The following PLXNA4 variants were observed in gnomAD, a reference collection of about 807,000 sequenced individuals.
PLXNA4 encodes the protein plexin A4, also known as plexin-A4.
In PLXNA4, 44 loss-of-function variants were observed where a neutral mutation model predicts 191.8. The observed-to-expected ratio is 0.23, with a 90% confidence interval of 0.18 to 0.29. The LOEUF (loss-of-function observed/expected upper bound fraction) is 0.29. PLXNA4 is among the 10% of genes least tolerant of loss of function. The pLI is 1.00. For synonymous variants in PLXNA4, 1,082 were observed against 1,009.5 expected (o/e 1.07, Z -1.36); for missense variants, 1,800 against 2,488.8 (o/e 0.72, Z 5.89).
At chr7:132,445,858 G>T (rs554598588) in intron 3 of PLXNA4, among the ~76,000 whole-genome samples, 1 of 152,166 alleles carries the variant, frequency 6.6e-6, no homozygotes, top group African/African-American at 2.4e-5. Context: ...AGGGATTCCA[G>T]CTCCTCACAC....
In PLXNA4 at chr7:132,181,315, G is replaced by GAACACC. The variant is rs1001777922; in HGVS notation, c.3492+60_3492+65dup. On this transcript the variant is annotated intron_variant, in intron 18 of 31. Coordinates refer to ENST00000321063, the MANE Select transcript of PLXNA4 (RefSeq NM_020911.2). ...GAAATGTGGCAGGAGTCTGTGACTT[G>GAACACC]AACACCCCCTTCCATGCAGCAGCCC... 1.9e-6 allele frequency: 3 copies of GAACACC among 1,596,066 alleles called. No homozygotes were observed. In the African/African-American group the frequency reaches 4.0e-5, roughly 21 times the overall value.
chr7:132,479,466 A>C (rs947112294), intron 3 of PLXNA4, among the ~76,000 whole-genome samples: 3 of 152,124 alleles, frequency 2.0e-5, no homozygotes, highest in African/African-American at 7.2e-5. Flanking sequence ...GAAGCCAACA[A>C]AATAGAGCTG....
chr7:132,642,627 C>T (rs889842872), intron 2 of PLXNA4, among the ~76,000 whole-genome samples: 6 of 152,108 alleles, frequency 3.9e-5, no homozygotes, highest in African/African-American at 1.4e-4. Flanking sequence ...CAGGCAGAGG[C>T]CTTCCTGGGC....
intron 1 of PLXNA4, among the ~76,000 whole-genome samples, chr7:132,562,972 C>T (rs111219859): frequency 2.6e-4 from 11 of 41,738 alleles, no homozygotes; most frequent in East Asian, 2.2e-3. Context: ...CTCCTCCTCT[C>T]CCTCCTCCTC....
intron 4 of PLXNA4, among the ~76,000 whole-genome samples, chr7:132,282,887 TA>T (rs1174529498): frequency 1.3e-5 from 2 of 152,114 alleles, no homozygotes; most frequent in African/African-American, 4.8e-5. Context: ...TTTATTTATT[TA>T]TTTTTTGAGA....
chr7:132,372,706 T>G (rs565487425), intron 3 of PLXNA4, among the ~76,000 whole-genome samples: 1 of 152,336 alleles, frequency 6.6e-6, no homozygotes, highest in Non-Finnish European at 1.5e-5. Flanking sequence ...GGTTCAATTC[T>G]CCAGCACCTA....
intron 4 of PLXNA4, among the ~76,000 whole-genome samples, chr7:132,295,040 A>G (rs558108501): frequency 2.0e-5 from 3 of 152,360 alleles, no homozygotes; most frequent in East Asian, 1.9e-4. Context: ...GCCAATGAAT[A>G]TAAGTGGTAG....
intron 3 of PLXNA4, among the ~76,000 whole-genome samples, chr7:132,325,651 G>A (rs994187290): frequency 1.3e-5 from 2 of 152,142 alleles, no homozygotes; most frequent in Admixed American, 6.5e-5. Context: ...CAAAGGAGAG[G>A]CAAGGAAGGG....
intron 3 of PLXNA4, among the ~76,000 whole-genome samples, chr7:132,455,151 G>A (rs1232593871): frequency 6.6e-6 from 1 of 152,196 alleles, no homozygotes; most frequent in Admixed American, 6.5e-5. Context: ...CACACACACT[G>A]GCAGGTATCT....
At chr7:132,176,721 A>C (rs769699751) in intron 20 of PLXNA4, among the ~76,000 whole-genome samples, 2 of 150,094 alleles carry the variant, frequency 1.3e-5, no homozygotes, top group Non-Finnish European at 3.0e-5. Context: ...AATGTATGTC[A>C]ATGAGTGTGT....
chr7:132,355,739 G>A (rs1391907933), intron 3 of PLXNA4, among the ~76,000 whole-genome samples: 2 of 152,084 alleles, frequency 1.3e-5, no homozygotes, highest in African/African-American at 2.4e-5. Context: ...GAGGGGTAGA[G>A]GGCAAGGGGG....
chr7:132,189,008 G>A (rs576355233), intron 14 of PLXNA4, among the ~76,000 whole-genome samples: 5,514 of 78,054 alleles, frequency 0.071, 420 homozygotes, highest in African/African-American at 0.14. Flanking sequence ...GAGAGAGAGA[G>A]AGAGAGAGAG....
chr7:132,232,820 G>A lies in PLXNA4; in HGVS notation c.1605-4351C>T, dbSNP rs1297461998. 3.3e-5 allele frequency among the ~76,000 whole-genome samples: 5 copies of A among 152,138 alleles called. No individual in the cohort carries two copies. The South Asian group carries it at 6.2e-4, about 19-fold the overall frequency. ...CTAGAAATTAATTCCCAAATACAGC[G>A]ATAGAAATATTAACTCCCGGTGCCG... On this transcript the variant is annotated intron_variant, in intron 5 of 31. Transcript: ENST00000321063.
chr7:132,251,173 C>T (rs1221991514), intron 4 of PLXNA4, among the ~76,000 whole-genome samples: 1 of 151,334 alleles, frequency 6.6e-6, no homozygotes, highest in African/African-American at 2.4e-5. Context: ...GCAAGTTCTT[C>T]ATCAGCTGTA....
At chr7:132,250,171 A>G (rs1327618405) in intron 4 of PLXNA4, among the ~76,000 whole-genome samples, 1 of 152,120 alleles carries the variant, frequency 6.6e-6, no homozygotes, top group Non-Finnish European at 1.5e-5. Context: ...GGTTGTTTTG[A>G]AGAATAATTG....
intron 1 of PLXNA4, among the ~76,000 whole-genome samples, chr7:132,559,997 G>A (rs1800967598): frequency 6.6e-6 from 1 of 152,170 alleles, no homozygotes; most frequent in African/African-American, 2.4e-5. Flanking sequence ...ATTTTTCCTT[G>A]GCACTTGACA....
upstream of PLXNA4, chr7:132,576,689 A>C (rs546313720): frequency 3.8e-4 from 290 of 756,520 alleles, no homozygotes; most frequent in Admixed American, 1.0e-3. This position sits in a 1 kb window ranked among gnomAD's most constrained non-coding sequence, Gnocchi z 5.8. Flanking sequence ...TCCAACAAAA[A>C]GGTCGGAAAA....
intron 3 of PLXNA4, among the ~76,000 whole-genome samples, chr7:132,346,821 G>C (rs1052396978): frequency 6.6e-6 from 1 of 152,192 alleles, no homozygotes; most frequent in Admixed American, 6.5e-5. Flanking sequence ...CCTAGAGAAA[G>C]TATATTTGCA....
upstream of PLXNA4, among the ~76,000 whole-genome samples, chr7:132,580,049 T>C (rs1293024201): frequency 6.6e-6 from 1 of 152,176 alleles, no homozygotes; most frequent in Admixed American, 6.5e-5. Flanking sequence ...CTCTCAATGA[T>C]ACCTCATCTC....
Sources: allele counts gnomAD v4.1 joint callset (sites outside exome capture counted in the v4.1 genomes callset), GRCh38; gene constraint gnomAD v4.1.1; non-coding constraint Gnocchi (gnomAD v3.1); transcripts MANE v1.5; gene names NCBI Gene and HGNC (gene_info 2026-07-23, HGNC 2026-07-21).